The following SGCD variants were observed in gnomAD, a reference collection of about 807,000 sequenced individuals.
SGCD encodes the protein delta-sarcoglycan.
In SGCD, 18 loss-of-function variants were observed where a neutral mutation model predicts 36.6. The observed-to-expected ratio is 0.49, with a 90% CI of 0.34 to 0.73. The LOEUF is 0.73. SGCD is among the 30% of genes least tolerant of loss of function. SGCD has a pLI of 0.01. For missense variants in SGCD, 387 were observed against 346.7 expected (o/e 1.12, Z -0.92); for synonymous variants, 133 against 130.6 (o/e 1.02, Z -0.12).
chr5:155,732,693 G>C, the SGCD span, among the ~76,000 whole-genome samples: 1 of 152,130 alleles, frequency 6.6e-6, no homozygotes, highest in Non-Finnish European at 1.5e-5. Context: ...TCCCCTAAAG[G>C]CTTACTGAAT....
Position 156,592,240 on chromosome 5 carries a change from A to C in SGCD, c.383-2692A>C, listed in dbSNP as rs1430364297. ...GTTATACAACTGCTTTTTTATATGA[A>C]TGGAACAAAAATGGGCAAACTGCTC... is the stretch of plus-strand genomic sequence containing the variant. On this transcript the variant is annotated intron_variant, in intron 5 of 8. Transcript: ENST00000337851. 2.0e-5 allele frequency among the ~76,000 whole-genome samples: 3 copies of C among 152,150 alleles called. No individual in the cohort carries two copies. The East Asian group carries it at 5.8e-4, about 29-fold the overall frequency.
At chr5:156,581,033 G>T (rs1271341289) in intron 4 of SGCD, among the ~76,000 whole-genome samples, 3 of 152,156 alleles carry the variant, frequency 2.0e-5, no homozygotes, top group Non-Finnish European at 4.4e-5. Context: ...CCTCATCTTT[G>T]TGGTTTTGTC....
chr5:156,030,308 C>T (rs7701517), intron 1 of SGCD, among the ~76,000 whole-genome samples: 23,485 of 152,100 alleles, frequency 0.15, 4,857 homozygotes, highest in African/African-American at 0.47. Context: ...CAAGTTAAGG[C>T]GAGGTCATAT....
At chr5:155,816,911 A>T in the SGCD span, among the ~76,000 whole-genome samples, 2 of 152,130 alleles carry the variant, frequency 1.3e-5, no homozygotes, top group African/African-American at 4.8e-5. Context: ...TAAAAAGTAA[A>T]TTCTTTATTA....
At chr5:156,384,628 A>G (rs1771176244) in intron 3 of SGCD, among the ~76,000 whole-genome samples, 1 of 151,634 alleles carries the variant, frequency 6.6e-6, no homozygotes, top group African/African-American at 2.4e-5. Flanking sequence ...AGTTTTATCT[A>G]CAGAGAGATG....
chr5:156,099,192 A>G (rs1761458338), intron 1 of SGCD, among the ~76,000 whole-genome samples: 1 of 152,144 alleles, frequency 6.6e-6, no homozygotes, highest in South Asian at 2.1e-4. Context: ...TTTATCACCT[A>G]TGACAGTTCT....
At chr5:156,665,497 T>C (rs1284993694) in intron 7 of SGCD, among the ~76,000 whole-genome samples, 1 of 151,558 alleles carries the variant, frequency 6.6e-6, no homozygotes, top group Non-Finnish European at 1.5e-5. Context: ...TTGAAATGGT[T>C]CTAAAGCTGC....
intron 3 of SGCD, among the ~76,000 whole-genome samples, chr5:156,186,665 G>A (rs1763769413): frequency 6.6e-6 from 1 of 152,088 alleles, no homozygotes; most frequent in Non-Finnish European, 1.5e-5. Context: ...CTGCTTTCTT[G>A]GGCTCTAGCC....
At chr5:155,895,105 A>T (rs1228449508) in intron 1 of SGCD, among the ~76,000 whole-genome samples, 1 of 152,174 alleles carries the variant, frequency 6.6e-6, no homozygotes, top group East Asian at 1.9e-4. Context: ...CACTGGAGGG[A>T]TACAGCTACA....
At chr5:155,822,333 C>T in the SGCD span, among the ~76,000 whole-genome samples, 1 of 152,210 alleles carries the variant, frequency 6.6e-6, no homozygotes, top group Non-Finnish European at 1.5e-5. Flanking sequence ...GAATCAGCTG[C>T]ACGGTAGGGT....
intron 3 of SGCD, among the ~76,000 whole-genome samples, chr5:156,226,808 T>G (rs982425342): frequency 6.6e-6 from 1 of 152,076 alleles, no homozygotes; most frequent in African/African-American, 2.4e-5. Flanking sequence ...AAGGTGGTAT[T>G]GCACTGTGGT....
chr5:156,395,838 G>A (rs1771820344), intron 3 of SGCD, among the ~76,000 whole-genome samples: 1 of 152,112 alleles, frequency 6.6e-6, no homozygotes, highest in African/African-American at 2.4e-5. Context: ...TGCAAAATGA[G>A]GAGATAAACT....
the SGCD span, among the ~76,000 whole-genome samples, chr5:155,854,813 G>A: frequency 6.6e-6 from 1 of 152,128 alleles, no homozygotes; most frequent in Admixed American, 6.6e-5. Flanking sequence ...TATTCACCAA[G>A]CATTGATTGT....
At chr5:156,733,016 C>A (rs759027962) in intron 7 of SGCD, among the ~76,000 whole-genome samples, 3 of 151,350 alleles carry the variant, frequency 2.0e-5, no homozygotes, top group Non-Finnish European at 4.4e-5. Flanking sequence ...TTTCAAAAAA[C>A]CAGCTCCTGG....
chr5:156,170,047 G>T (rs1000644464), intron 3 of SGCD, among the ~76,000 whole-genome samples: 4 of 152,208 alleles, frequency 2.6e-5, no homozygotes, highest in African/African-American at 7.2e-5. Flanking sequence ...ACTCCTGAGG[G>T]TTGGATTGCA....
At chr5:155,827,791 G>T in the SGCD span, among the ~76,000 whole-genome samples, 4 of 141,516 alleles carry the variant, frequency 2.8e-5, no homozygotes, top group African/African-American at 5.3e-5. Context: ...CAATTCTCCT[G>T]CCTCAGCCTC....
chr5:155,738,765 A>G, the SGCD span, among the ~76,000 whole-genome samples: 1 of 145,908 alleles, frequency 6.9e-6, no homozygotes, highest in Admixed American at 6.9e-5. Flanking sequence ...AGAGAGTGTG[A>G]GAGTGTGAGA....
chr5:155,943,978 C>A (rs183749049), intron 1 of SGCD, among the ~76,000 whole-genome samples: 2 of 152,302 alleles, frequency 1.3e-5, no homozygotes, highest in East Asian at 3.9e-4. Flanking sequence ...AACCTTCCAC[C>A]TGTTCAGTGG....
intron 3 of SGCD, among the ~76,000 whole-genome samples, chr5:156,318,065 T>C (rs1237261091): frequency 6.6e-6 from 1 of 152,198 alleles, no homozygotes; most frequent in East Asian, 1.9e-4. Context: ...GTGAAGAGAC[T>C]TAGAAAGCTG....
Sources: allele counts gnomAD v4.1 joint callset (sites outside exome capture counted in the v4.1 genomes callset), GRCh38; gene constraint gnomAD v4.1.1; transcripts MANE v1.5; gene names NCBI Gene and HGNC (gene_info 2026-07-23, HGNC 2026-07-21).